Variants in RYR2 observed in about 807,000 individuals in gnomAD.
RYR2 encodes the protein cardiac muscle ryanodine receptor-calcium release channel.
A neutral mutation model predicts 601.1 loss-of-function variants in RYR2; 227 were observed. That is an observed-to-expected ratio of 0.38 (90% CI 0.34 to 0.42). The LOEUF (loss-of-function observed/expected upper bound fraction) is 0.42, where lower values mean the gene tolerates loss of function less well. RYR2 is among the 10% of genes least tolerant of loss of function. The pLI is 1.00. For synonymous variants in RYR2, 2,223 were observed against 2,175.1 expected, an observed-to-expected ratio of 1.02 and a Z score of -0.61; for missense variants, 4,646 against 6,156.5, an observed-to-expected ratio of 0.75 and a Z score of 8.21.
At position 237,065,534 on chromosome 1, in the gene RYR2, G is replaced by A. The variant is rs556660676; in HGVS notation, c.48+22965G>A. Reference sequence around the variant, plus strand: ...ACTCCTGACATTGTGATCCACCCACGTCAGTCTCCCAAAGTGCTGGGATTA... The same window carrying A: ...ACTCCTGACATTGTGATCCACCCACATCAGTCTCCCAAAGTGCTGGGATTA... On this transcript the variant is annotated intron_variant, in intron 1 of 104. Coordinates refer to ENST00000366574, the MANE Select transcript of RYR2 (RefSeq NM_001035.3). Among the ~76,000 whole-genome samples, 16 of 151,916 alleles carry A rather than the reference G, an allele frequency of 1.1e-4. No homozygotes were observed. The South Asian group carries it at 1.5e-3, about 14-fold the overall frequency.
intron 27 of RYR2, among the ~76,000 whole-genome samples, chr1:237,555,900 G>A (rs1559020643): frequency 1.3e-5 from 2 of 152,090 alleles, no homozygotes; most frequent in South Asian, 2.1e-4. Context: ...ATAGAAATAT[G>A]CATTGCAATG....
chr1:237,753,455 A>C (rs1455680011), intron 80 of RYR2, among the ~76,000 whole-genome samples: 1 of 152,230 alleles, frequency 6.6e-6, no homozygotes, highest in Non-Finnish European at 1.5e-5. Flanking sequence ...AACCAAAAGC[A>C]AATCATGATG....
chr1:237,213,462 G>A (rs1248947309), intron 1 of RYR2, among the ~76,000 whole-genome samples: 1 of 152,324 alleles, frequency 6.6e-6, no homozygotes, highest in African/African-American at 2.4e-5. Context: ...ACAGGTGTGA[G>A]CCATTGCGTC....
At chr1:237,645,080 A>T in intron 48 of RYR2, among the ~76,000 whole-genome samples, 1 of 152,144 alleles carries the variant, frequency 6.6e-6, no homozygotes, top group East Asian at 1.9e-4. Context: ...TGCATGCTAT[A>T]TATATTCCTT....
intron 1 of RYR2, among the ~76,000 whole-genome samples, chr1:237,119,587 G>A (rs530432107): frequency 3.3e-5 from 5 of 152,260 alleles, no homozygotes; most frequent in Non-Finnish European, 7.4e-5. Flanking sequence ...TCTCTCCTAC[G>A]ATGGCCAGTT....
intron 25 of RYR2, among the ~76,000 whole-genome samples, chr1:237,541,442 T>A (rs1257230116): frequency 6.6e-6 from 1 of 152,218 alleles, no homozygotes; most frequent in Non-Finnish European, 1.5e-5. Context: ...TCTTTAAAAT[T>A]GTGCTCTATT....
At chr1:237,452,435 T>A (rs1658296456) in intron 14 of RYR2, among the ~76,000 whole-genome samples, 1 of 98,702 alleles carries the variant, frequency 1.0e-5, no homozygotes, top group Non-Finnish European at 2.4e-5. Flanking sequence ...GAGTATATTA[T>A]ACATTAATAA....
intron 2 of RYR2, among the ~76,000 whole-genome samples, chr1:237,286,748 T>C (rs529702783): frequency 1.3e-5 from 2 of 152,106 alleles, no homozygotes; most frequent in South Asian, 4.2e-4. Context: ...TGAGTTCTTA[T>C]CCATTCTGTG....
At chr1:237,771,138 G>A (rs1422814258) in intron 85 of RYR2, among the ~76,000 whole-genome samples, 14 of 152,158 alleles carry the variant, frequency 9.2e-5, no homozygotes, top group Non-Finnish European at 5.9e-5. Context: ...GGCTGGGTGC[G>A]GTGGCTCACC....
intron 2 of RYR2, among the ~76,000 whole-genome samples, chr1:237,274,745 G>A (rs1690087374): frequency 6.6e-6 from 1 of 152,094 alleles, no homozygotes; most frequent in African/African-American, 2.4e-5. Flanking sequence ...ATTGTAAGGT[G>A]TCCTATATAG....
chr1:237,042,380 G>C lies in RYR2; in HGVS notation c.-142G>C. 1 of 813,064 alleles carries C rather than the reference G, an allele frequency of 1.2e-6. No individual in the cohort carries two copies. The allele number at this position is 813,064 out of a possible 1,614,324, so 50.4% of individuals were successfully genotyped here. A position where few individuals can be genotyped will look rare whatever the true frequency, so the allele number is the denominator to read the frequency against. On this transcript the variant is annotated 5_prime_UTR_variant, in exon 1 of 105. Transcript: ENST00000366574. ...CTCCTCCGCTCTGCAGGCGGGGACC[G>C]CCCGGCGCTCGGCACCCGGCAGCGC...
At chr1:237,746,204 G>A (rs1692060646) in intron 80 of RYR2, among the ~76,000 whole-genome samples, 1 of 152,084 alleles carries the variant, frequency 6.6e-6, no homozygotes, top group Admixed American at 6.5e-5. Flanking sequence ...TCTAATAGTG[G>A]AGTTATTCAC....
chr1:237,503,223 T>A, intron 21 of RYR2, 66 bp from the exon 22 acceptor site: 1 of 1,418,682 alleles, frequency 7.0e-7, no homozygotes, highest in Non-Finnish European at 9.7e-7. Context: ...TCCCTAAGAT[T>A]TTGTGAATTA....
At chr1:237,118,483 T>C (rs1572697320) in intron 1 of RYR2, among the ~76,000 whole-genome samples, 1 of 151,486 alleles carries the variant, frequency 6.6e-6, no homozygotes. Context: ...CCTTCAAGGG[T>C]AGGCTCAGTA....
chr1:237,264,091 G>GCACACGCA (rs1553370916), intron 1 of RYR2, among the ~76,000 whole-genome samples: 1 of 147,412 alleles, frequency 6.8e-6, no homozygotes, highest in Non-Finnish European at 1.5e-5. Context: ...ACATGCACAT[G>GCACACGCA]CACACACACA....
intron 12 of RYR2, among the ~76,000 whole-genome samples, chr1:237,433,317 C>G (rs370920669): frequency 1.4e-5 from 2 of 144,560 alleles, no homozygotes; most frequent in African/African-American, 2.7e-5. Flanking sequence ...CATATACAGA[C>G]GTGAAAAATT....
intron 29 of RYR2, among the ~76,000 whole-genome samples, chr1:237,578,106 G>C (rs1441737502): frequency 6.6e-6 from 1 of 152,132 alleles, no homozygotes; most frequent in African/African-American, 2.4e-5. Flanking sequence ...CACCACACCT[G>C]TTCTGAAATT....
intron 27 of RYR2, among the ~76,000 whole-genome samples, chr1:237,550,912 G>C (rs1217923492): frequency 6.6e-6 from 1 of 152,098 alleles, no homozygotes; most frequent in Non-Finnish European, 1.5e-5. Context: ...CGGAGAAAAT[G>C]GGCCTGTCTT....
At chr1:237,712,271 T>C (rs1044037974) in intron 71 of RYR2, among the ~76,000 whole-genome samples, 10 of 152,088 alleles carry the variant, frequency 6.6e-5, no homozygotes, top group African/African-American at 2.2e-4. Flanking sequence ...CTCCACATCA[T>C]AGGGCCTGTC....
Sources: allele counts gnomAD v4.1 joint callset (sites outside exome capture counted in the v4.1 genomes callset), GRCh38; gene constraint gnomAD v4.1.1; transcripts MANE v1.5; gene names NCBI Gene and HGNC (gene_info 2026-07-23, HGNC 2026-07-21).